Variants in CAMK2D observed in about 807,000 individuals in gnomAD.
CAMK2D encodes calcium/calmodulin dependent protein kinase II delta, also known as calcium/calmodulin-dependent protein kinase type II subunit delta.
In CAMK2D, 37 loss-of-function variants were observed where a neutral mutation model predicts 84.0. The observed-to-expected ratio is 0.44, with a 90% CI of 0.34 to 0.58. CAMK2D has a LOEUF of 0.58. CAMK2D is among the 20% of genes least tolerant of loss of function. The pLI, the probability that CAMK2D is intolerant of heterozygous loss-of-function variation, is 0.02. For missense variants in CAMK2D, 448 were observed against 652.5 expected (o/e 0.69, Z 3.41); for synonymous variants, 202 against 212.5 (o/e 0.95, Z 0.43).
intron 2 of CAMK2D, among the ~76,000 whole-genome samples, chr4:113,746,745 T>G (rs919542837): frequency 6.6e-5 from 10 of 151,984 alleles, no homozygotes; most frequent in Non-Finnish European, 1.0e-4. Flanking sequence ...TTTATTTTTC[T>G]TCTCTAATTC....
intron 2 of CAMK2D, among the ~76,000 whole-genome samples, chr4:113,693,164 A>T (rs1346146211): frequency 6.6e-6 from 1 of 152,142 alleles, no homozygotes; most frequent in Non-Finnish European, 1.5e-5. Context: ...AAGGGGTCAT[A>T]AGAAAGCCAG....
At position 113,547,706 on chromosome 4, in the gene CAMK2D, G is replaced by T. The variant is rs1356893848; in HGVS notation, c.352C>A (p.Gln118Lys). 6.4e-7 allele frequency: 1 copy of T among 1,555,104 alleles called. No homozygotes were observed. Among genetic ancestry groups the T allele is most frequent in the East Asian group, 2.3e-5 (1 of 42,794 alleles). Residue 118 changes from glutamine to lysine, a missense_variant, in exon 6 of 21, where the codon CAG becomes AAG. Physicochemically the swap from Gln to Lys is moderately conservative, Grantham distance 53. Coordinates refer to ENST00000511664, the MANE Select transcript of CAMK2D (RefSeq NM_001321571.2). ...YSEADASHCIQQILEAVLHCH... is the reference protein window; with the variant it reads ...YSEADASHCIKQILEAVLHCH... ...TGTAGCACAGCCTCCAGGATCTGCT[G>T]AATGCAATGACTGCATGCAAACACC...
intron 2 of CAMK2D, among the ~76,000 whole-genome samples, chr4:113,674,280 A>T (rs752621399): frequency 1.1e-4 from 16 of 152,326 alleles, no homozygotes; most frequent in South Asian, 4.1e-4. Context: ...ATGCAGAATA[A>T]AATTCCCCAG....
intron 2 of CAMK2D, among the ~76,000 whole-genome samples, chr4:113,714,028 A>G (rs1176344216): frequency 4.6e-5 from 7 of 152,012 alleles, no homozygotes; most frequent in Non-Finnish European, 1.5e-5. Flanking sequence ...ATACTCTTCT[A>G]TAACTTGTTG....
intron 2 of CAMK2D, among the ~76,000 whole-genome samples, chr4:113,694,342 A>C (rs1467189747): frequency 1.3e-5 from 2 of 152,214 alleles, no homozygotes; most frequent in African/African-American, 4.8e-5. Flanking sequence ...CTTGCAATGA[A>C]GCTGCCCTTT....
intron 4 of CAMK2D, among the ~76,000 whole-genome samples, chr4:113,553,852 T>A (rs1022485274): frequency 7.2e-5 from 11 of 152,158 alleles, no homozygotes; most frequent in African/African-American, 2.7e-4. Flanking sequence ...GCAAAATAGT[T>A]AGACAAAAAA....
chr4:113,671,798 C>T (rs1402648388), intron 2 of CAMK2D, among the ~76,000 whole-genome samples: 1 of 152,222 alleles, frequency 6.6e-6, no homozygotes, highest in Admixed American at 6.5e-5. Context: ...ACCTGAACTA[C>T]AGATCACCCT....
At chr4:113,693,159 G>T (rs891578411) in intron 2 of CAMK2D, among the ~76,000 whole-genome samples, 2 of 152,086 alleles carry the variant, frequency 1.3e-5, no homozygotes, top group African/African-American at 4.8e-5. Context: ...TGAGTAAGGG[G>T]TCATAAGAAA....
At chr4:113,491,749 C>A (rs1231912409) in intron 16 of CAMK2D, among the ~76,000 whole-genome samples, 1 of 152,040 alleles carries the variant, frequency 6.6e-6, no homozygotes, top group Non-Finnish European at 1.5e-5. Context: ...TGGTAGAATT[C>A]GGCTGTGAAT....
chr4:113,514,061 A>T (rs2098253052), intron 10 of CAMK2D, 148 bp from the exon 11 acceptor site: 2 of 492,898 alleles, frequency 4.1e-6, no homozygotes, highest in Non-Finnish European at 7.3e-6. Flanking sequence ...GTTACCTAAA[A>T]ATAAAATTTT....
At chr4:113,708,772 T>C (rs2099473402) in intron 2 of CAMK2D, among the ~76,000 whole-genome samples, 1 of 152,204 alleles carries the variant, frequency 6.6e-6, no homozygotes, top group African/African-American at 2.4e-5. Context: ...TGCCCCAAGC[T>C]GGAGTGCAGT....
intron 7 of CAMK2D, among the ~76,000 whole-genome samples, chr4:113,535,314 G>A (rs2098482350): frequency 1.3e-5 from 2 of 151,986 alleles, no homozygotes; most frequent in South Asian, 2.1e-4. Flanking sequence ...TTTCCTGTCT[G>A]ATCTGTATGT....
intron 4 of CAMK2D, among the ~76,000 whole-genome samples, chr4:113,568,770 G>A (rs1250007715): frequency 6.6e-6 from 1 of 151,430 alleles, no homozygotes; most frequent in Non-Finnish European, 1.5e-5. Flanking sequence ...TGTTTGTTTT[G>A]TTTTTATAAT....
At chr4:113,489,484 T>A (rs997786676) in intron 16 of CAMK2D, among the ~76,000 whole-genome samples, 1 of 152,098 alleles carries the variant, frequency 6.6e-6, no homozygotes, top group East Asian at 1.9e-4. Context: ...CATTTTTTTA[T>A]GGCTGCAAAG....
At chr4:113,760,454 T>TA (rs2099638549) in intron 1 of CAMK2D, among the ~76,000 whole-genome samples, 1 of 152,134 alleles carries the variant, frequency 6.6e-6, no homozygotes, top group Non-Finnish European at 1.5e-5. Context: ...GGGTGGCCCT[T>TA]TTCCTGGACA....
At chr4:113,514,337 T>C (rs2098257461) in intron 10 of CAMK2D, among the ~76,000 whole-genome samples, 1 of 152,122 alleles carries the variant, frequency 6.6e-6, no homozygotes, top group Non-Finnish European at 1.5e-5. Context: ...TGCTTGAACC[T>C]GGGAGGTGGA....
rs188437891 is a variant in CAMK2D, at chr4:113,659,446, A to G, written c.220+2267T>C. ...CAGAATGTGACTGTATTATTTGCAT[A>G]TAGAGTGTCTAAAGGGGTAATTAGG... On this transcript the variant is annotated intron_variant, in intron 3 of 20. Transcript: ENST00000511664. Among the ~76,000 whole-genome samples, 239 of 152,326 alleles carry G rather than the reference A, an allele frequency of 1.6e-3. 1 individual carries two copies. Among genetic ancestry groups the G allele is most frequent in the African/African-American group, 5.5e-3 (227 of 41,584 alleles).
intron 4 of CAMK2D, among the ~76,000 whole-genome samples, chr4:113,596,574 C>T (rs1260107331): frequency 2.0e-5 from 3 of 152,146 alleles, no homozygotes; most frequent in Non-Finnish European, 4.4e-5. Flanking sequence ...GGTTCGTAGG[C>T]ATGAAAACAA....
intron 2 of CAMK2D, among the ~76,000 whole-genome samples, chr4:113,668,657 C>T (rs887800376): frequency 2.0e-5 from 3 of 151,760 alleles, no homozygotes; most frequent in African/African-American, 7.3e-5. Flanking sequence ...TCCAGGCCAC[C>T]GATAACAGAA....
Sources: allele counts gnomAD v4.1 joint callset (sites outside exome capture counted in the v4.1 genomes callset), GRCh38; gene constraint gnomAD v4.1.1; transcripts MANE v1.5; gene names NCBI Gene and HGNC (gene_info 2026-07-23, HGNC 2026-07-21).